Variants in SLC35F3 observed in about 807,000 individuals in gnomAD.
The protein encoded by SLC35F3 is putative thiamine transporter SLC35F3.
A neutral mutation model predicts 49.9 loss-of-function variants in SLC35F3; 25 were observed. The observed-to-expected ratio is 0.50, with a 90% confidence interval of 0.37 to 0.70. The LOEUF is 0.70. Among genes scored for constraint, SLC35F3 ranks in the 30% least tolerant of loss-of-function variants. The pLI is 0.00. For missense variants in SLC35F3, 525 were observed against 639.8 expected, an observed-to-expected ratio of 0.82 and a Z score of 1.94; for synonymous variants, 275 against 265.4, an observed-to-expected ratio of 1.04 and a Z score of -0.35.
intron 2 of SLC35F3, among the ~76,000 whole-genome samples, chr1:234,189,943 C>G (rs1290602583): frequency 6.6e-6 from 1 of 152,118 alleles, no homozygotes; most frequent in Non-Finnish European, 1.5e-5. Context: ...AATTATCAGC[C>G]AAGAATTTTG....
chr1:233,990,187 GT>G, intron 2 of SLC35F3, among the ~76,000 whole-genome samples: 1 of 151,902 alleles, frequency 6.6e-6, no homozygotes, highest in Non-Finnish European at 1.5e-5. Context: ...TGTTTTAGCG[GT>G]TTCACAATGG....
At chr1:234,235,563 T>G (rs917117659) in intron 3 of SLC35F3, among the ~76,000 whole-genome samples, 1 of 152,234 alleles carries the variant, frequency 6.6e-6, no homozygotes, top group Non-Finnish European at 1.5e-5. Context: ...CTGGAGCAGA[T>G]CTGGGGCATT....
At chr1:234,219,089 ATAT>A in intron 2 of SLC35F3, among the ~76,000 whole-genome samples, 1 of 146,496 alleles carries the variant, frequency 6.8e-6, no homozygotes, top group Non-Finnish European at 1.5e-5. Flanking sequence ...TCCCACTGTA[ATAT>A]AACTAATATA....
chr1:234,293,993 C>T (rs1001530194), intron 3 of SLC35F3, among the ~76,000 whole-genome samples: 5 of 152,212 alleles, frequency 3.3e-5, no homozygotes, highest in African/African-American at 1.2e-4. Flanking sequence ...TATGTCTCTT[C>T]AGTTTGAAGG....
intron 3 of SLC35F3, among the ~76,000 whole-genome samples, chr1:234,236,847 G>C (rs1667477598): frequency 6.7e-6 from 1 of 150,086 alleles, no homozygotes; most frequent in African/African-American, 2.5e-5. Flanking sequence ...CACGTGGACA[G>C]ATGTGGATGA....
At chr1:234,257,089 T>C (rs1204957349) in intron 3 of SLC35F3, among the ~76,000 whole-genome samples, 3 of 152,250 alleles carry the variant, frequency 2.0e-5, no homozygotes, top group Non-Finnish European at 2.9e-5. Context: ...AAATTATACT[T>C]TAATGAGGTT....
intron 2 of SLC35F3, among the ~76,000 whole-genome samples, chr1:234,067,967 C>G (rs1664647829): frequency 6.6e-6 from 1 of 152,162 alleles, no homozygotes; most frequent in South Asian, 2.1e-4. Flanking sequence ...TGTTTGGCCT[C>G]CAGAGGTGGG....
intron 3 of SLC35F3, among the ~76,000 whole-genome samples, chr1:234,242,956 TTAAG>T (rs1667576652): frequency 6.6e-6 from 1 of 152,154 alleles, no homozygotes; most frequent in Admixed American, 6.5e-5. Flanking sequence ...AAGAAAGACT[TTAAG>T]TGTTTCACCA....
chr1:234,184,400 A>C (rs1314846741), intron 2 of SLC35F3, among the ~76,000 whole-genome samples: 1 of 152,204 alleles, frequency 6.6e-6, no homozygotes, highest in Non-Finnish European at 1.5e-5. Context: ...TTCTGGAATG[A>C]AGCATGTTTT....
chr1:234,300,342 T>C (rs1232794223), intron 3 of SLC35F3, among the ~76,000 whole-genome samples: 2 of 152,226 alleles, frequency 1.3e-5, no homozygotes, highest in Non-Finnish European at 2.9e-5. Flanking sequence ...TAAGTATGTC[T>C]GGGGTCAAAT....
chr1:233,952,866 T>G (rs879650780), intron 2 of SLC35F3, among the ~76,000 whole-genome samples: 6 of 152,116 alleles, frequency 3.9e-5, no homozygotes, highest in Non-Finnish European at 7.3e-5. Context: ...AAAGATGGAA[T>G]TCGCCCCCCT....
At position 234,026,981 on chromosome 1, in the gene SLC35F3, A is replaced by T. The variant is rs1663988588; in HGVS notation, c.283+121223A>T. Reference sequence around the variant, plus strand: ...CACCAGCAGTTTCAAATGATGTGGGACTCCCAAGGGAAAAGCAAATTAAGA... The same window carrying T: ...CACCAGCAGTTTCAAATGATGTGGGTCTCCCAAGGGAAAAGCAAATTAAGA... On this transcript the variant is annotated intron_variant, in intron 2 of 7. Transcript: ENST00000366618. The T allele has an allele frequency of 3.3e-5, 5 of 152,822 alleles. 1 individual carries two copies. The South Asian group carries it at 1.0e-3, about 32-fold the overall frequency. 9.5% of individuals were successfully genotyped at this position (152,822 alleles called of 1,614,324 possible). A position where few individuals can be genotyped will look rare whatever the true frequency, so the allele number is the denominator to read the frequency against.
chr1:234,199,906 T>G (rs2102933982), intron 2 of SLC35F3, among the ~76,000 whole-genome samples: 1 of 152,180 alleles, frequency 6.6e-6, no homozygotes, highest in East Asian at 1.9e-4. Flanking sequence ...AACATCTCTA[T>G]CAGGTAAATG....
chr1:233,959,867 A>T (rs1662765442), intron 2 of SLC35F3, among the ~76,000 whole-genome samples: 1 of 152,156 alleles, frequency 6.6e-6, no homozygotes, highest in Non-Finnish European at 1.5e-5. Flanking sequence ...AGATATCCTG[A>T]CTGTGATCAG....
chr1:234,096,631 G>T (rs1040533628), intron 2 of SLC35F3, among the ~76,000 whole-genome samples: 5 of 152,174 alleles, frequency 3.3e-5, no homozygotes, highest in African/African-American at 9.7e-5. Context: ...AGTGGTGAGA[G>T]GCAAGACTGG....
intron 2 of SLC35F3, among the ~76,000 whole-genome samples, chr1:233,953,403 T>G (rs1230766634): frequency 6.6e-6 from 1 of 152,216 alleles, no homozygotes; most frequent in East Asian, 1.9e-4. Context: ...ATAAATGAGA[T>G]TACCCTCTGA....
chr1:234,065,455 T>A (rs1664604132), intron 2 of SLC35F3, among the ~76,000 whole-genome samples: 1 of 152,234 alleles, frequency 6.6e-6, no homozygotes, highest in Non-Finnish European at 1.5e-5. Flanking sequence ...CCCAAACTCT[T>A]ATTTTTTAAA....
At chr1:234,162,316 C>A (rs1666240753) in intron 2 of SLC35F3, among the ~76,000 whole-genome samples, 1 of 134,758 alleles carries the variant, frequency 7.4e-6, no homozygotes, top group Non-Finnish European at 1.6e-5. Context: ...CCACTCTCAT[C>A]CCCATATCCT....
At chr1:234,041,455 T>G (rs1220312077) in intron 2 of SLC35F3, among the ~76,000 whole-genome samples, 1 of 152,036 alleles carries the variant, frequency 6.6e-6, no homozygotes, top group Non-Finnish European at 1.5e-5. Flanking sequence ...TCCAGTCACA[T>G]GCACCCAATC....
Sources: gnomAD v4.1 joint callset for allele counts (sites outside exome capture counted in the v4.1 genomes callset) on GRCh38, gnomAD v4.1.1 for gene constraint, MANE v1.5 for transcripts, NCBI Gene and HGNC (gene_info 2026-07-23, HGNC 2026-07-21) for gene names.